Variants in SLC35F2 observed in about 807,000 individuals in gnomAD.
SLC35F2 encodes solute carrier family 35 member F2.
Under a neutral mutation model 38.1 loss-of-function variants are expected in SLC35F2, and 25 were observed. The observed-to-expected ratio is 0.66, with a 90% CI of 0.48 to 0.92. SLC35F2 has a LOEUF of 0.92. Among genes scored for constraint, SLC35F2 ranks in the 40% least tolerant of loss-of-function variants. The probability of loss-of-function intolerance (pLI) is 0.00; values close to 1 mark genes in which losing one functional copy is unlikely to be tolerated. For synonymous variants in SLC35F2, 173 were observed against 181.7 expected, an observed-to-expected ratio of 0.95 and a Z score of 0.38; for missense variants, 409 against 452.9, an observed-to-expected ratio of 0.90 and a Z score of 0.88.
At chr11:107,846,768 C>T (rs953775137) in intron 1 of SLC35F2, among the ~76,000 whole-genome samples, 4 of 151,864 alleles carry the variant, frequency 2.6e-5, no homozygotes, top group Non-Finnish European at 4.4e-5. Flanking sequence ...CCTCTCTCTA[C>T]AAAAATACAA....
At chr11:107,851,318 C>A (rs965968288) in intron 1 of SLC35F2, among the ~76,000 whole-genome samples, 12 of 149,744 alleles carry the variant, frequency 8.0e-5, no homozygotes, top group Non-Finnish European at 1.5e-4. Flanking sequence ...CAAAAATTAG[C>A]CAGGCATGGT....
In SLC35F2 at chr11:107,829,679, A is replaced by C. The variant is rs1345129381; in HGVS notation, c.111-13714T>G. On this transcript the variant is annotated intron_variant, in intron 1 of 7. Coordinates refer to ENST00000525815, the MANE Select transcript of SLC35F2 (RefSeq NM_017515.5). ...TACATAATACCTATGAAATCTCACA[A>C]AAAAAAAAAAAAAAAGACTACAGAG... Among the ~76,000 whole-genome samples the C allele has an allele frequency of 3.2e-5, 4 of 123,566 alleles. No individual in the cohort carries two copies. In the South Asian group the frequency reaches 6.6e-4, roughly 20 times the overall value. 81.1% of individuals were successfully genotyped at this position (123,566 alleles called of 152,430 possible). A position where few individuals can be genotyped will look rare whatever the true frequency, so the allele number is the denominator to read the frequency against.
intron 1 of SLC35F2, among the ~76,000 whole-genome samples, chr11:107,853,319 T>G (rs965602927): frequency 2.0e-5 from 3 of 152,158 alleles, no homozygotes; most frequent in African/African-American, 7.2e-5. Flanking sequence ...TTATCATAAT[T>G]TGATGATGAG....
At chr11:107,801,469 AATTT>A (rs1322888299) in intron 7 of SLC35F2, among the ~76,000 whole-genome samples, 1 of 152,066 alleles carries the variant, frequency 6.6e-6, no homozygotes, top group Non-Finnish European at 1.5e-5. Context: ...TAACATGATG[AATTT>A]ATTATTTTCT....
At chr11:107,836,821 C>G (rs552874496) in intron 1 of SLC35F2, among the ~76,000 whole-genome samples, 1 of 152,178 alleles carries the variant, frequency 6.6e-6, no homozygotes. Flanking sequence ...TTTGTTATGA[C>G]AGCAATAGAA....
At chr11:107,828,466 A>T (rs12098896) in intron 1 of SLC35F2, among the ~76,000 whole-genome samples, 6,746 of 151,684 alleles carry the variant, frequency 0.044, 268 homozygotes, top group African/African-American at 0.1. Context: ...AATACTAAAA[A>T]TTTTTTTTAA....
intron 1 of SLC35F2, among the ~76,000 whole-genome samples, chr11:107,843,846 TAAAAAA>T (rs780744909): frequency 3.1e-3 from 140 of 45,034 alleles, no homozygotes; most frequent in African/African-American, 0.013. Flanking sequence ...CTCTGTATCT[TAAAAAA>T]AAAAAAAAAA....
At chr11:107,848,790 CA>C (rs1234865019) in intron 1 of SLC35F2, among the ~76,000 whole-genome samples, 1 of 152,174 alleles carries the variant, frequency 6.6e-6, no homozygotes, top group Non-Finnish European at 1.5e-5. Flanking sequence ...CCCAGAAGCC[CA>C]CCAGCTCCTA....
chr11:107,798,824 C>G, intron 7 of SLC35F2, among the ~76,000 whole-genome samples: 1 of 152,242 alleles, frequency 6.6e-6, no homozygotes, highest in Non-Finnish European at 1.5e-5. Context: ...CCCTGTGGTC[C>G]CAGCACTTTG....
At chr11:107,845,310 G>T (rs185036254) in intron 1 of SLC35F2, among the ~76,000 whole-genome samples, 9 of 152,040 alleles carry the variant, frequency 5.9e-5, no homozygotes, top group Non-Finnish European at 1.2e-4. Flanking sequence ...TGACTAGAAG[G>T]TTCACACTTG....
chr11:107,802,242 A>AAAAAAATAAATAAATAAATAAAT (rs559048077), intron 7 of SLC35F2, among the ~76,000 whole-genome samples: 3 of 147,982 alleles, frequency 2.0e-5, no homozygotes, highest in East Asian at 2.1e-4. Context: ...CATCTCAAAA[A>AAAAAAATAAATAAATAAATAAAT]AAATAAATAA....
chr11:107,801,433 A>C (rs1328745585), intron 7 of SLC35F2, among the ~76,000 whole-genome samples: 3 of 152,134 alleles, frequency 2.0e-5, no homozygotes, highest in African/African-American at 7.2e-5. Context: ...TTTTATTTTG[A>C]AAAATACATT....
chr11:107,843,786 A>G (rs1297412585), intron 1 of SLC35F2, among the ~76,000 whole-genome samples: 2 of 146,410 alleles, frequency 1.4e-5, no homozygotes, highest in African/African-American at 5.0e-5. Flanking sequence ...TCAAGGCTGC[A>G]GTGAACTATG....
At chr11:107,795,996 T>TAAAAAAATA (rs1859211565) in intron 7 of SLC35F2, among the ~76,000 whole-genome samples, 1 of 152,024 alleles carries the variant, frequency 6.6e-6, no homozygotes, top group East Asian at 1.9e-4. Context: ...TAGCTGGGTG[T>TAAAAAAATA]GGTGGTGGCA....
intron 1 of SLC35F2, among the ~76,000 whole-genome samples, chr11:107,836,429 C>T (rs1030765134): frequency 2.0e-5 from 3 of 152,088 alleles, no homozygotes; most frequent in Non-Finnish European, 4.4e-5. Flanking sequence ...ACACTCTCTC[C>T]CTCACCCCTG....
chr11:107,802,097 G>A (rs1859317703), intron 7 of SLC35F2, among the ~76,000 whole-genome samples: 2 of 152,032 alleles, frequency 1.3e-5, no homozygotes, highest in African/African-American at 2.4e-5. Context: ...AATTAGCCAG[G>A]AATGATGGAG....
intron 7 of SLC35F2, among the ~76,000 whole-genome samples, chr11:107,801,152 C>G (rs1166463347): frequency 1.3e-5 from 2 of 152,076 alleles, no homozygotes; most frequent in African/African-American, 2.4e-5. Context: ...GGTGATCCAC[C>G]CTCCTCAGCT....
At chr11:107,797,296 T>A (rs2134759089) in intron 7 of SLC35F2, among the ~76,000 whole-genome samples, 1 of 150,918 alleles carries the variant, frequency 6.6e-6, no homozygotes. Flanking sequence ...CAAAAAACAG[T>A]AAGAAAACAG....
chr11:107,807,134 T>TA (rs1186808715), intron 3 of SLC35F2, among the ~76,000 whole-genome samples: 3 of 151,504 alleles, frequency 2.0e-5, no homozygotes, highest in Admixed American at 6.6e-5. Flanking sequence ...CAAAAACACA[T>TA]AGTTAAAAAT....
Sources: allele counts gnomAD v4.1 joint callset (sites outside exome capture counted in the v4.1 genomes callset), GRCh38; gene constraint gnomAD v4.1.1; transcripts MANE v1.5; gene names NCBI Gene and HGNC (gene_info 2026-07-23, HGNC 2026-07-21).